The following GABRB1 variants were observed in gnomAD, a reference collection of about 807,000 sequenced individuals.
GABRB1 encodes the protein gamma-aminobutyric acid receptor subunit beta-1.
Under a neutral mutation model 51.6 loss-of-function variants are expected in GABRB1, and 17 were observed. The observed-to-expected ratio is 0.33, with a 90% confidence interval of 0.23 to 0.49. The LOEUF (loss-of-function observed/expected upper bound fraction) is 0.49. Among genes scored for constraint, GABRB1 ranks in the 20% least tolerant of loss-of-function variants. GABRB1 has a pLI of 0.99. For synonymous variants in GABRB1, 247 were observed against 218.9 expected, an observed-to-expected ratio of 1.13 and a Z score of -1.14; for missense variants, 410 against 600.6, an observed-to-expected ratio of 0.68 and a Z score of 3.32.
intron 4 of GABRB1, among the ~76,000 whole-genome samples, chr4:47,257,085 G>A (rs546217132): frequency 1.3e-5 from 2 of 152,246 alleles, no homozygotes; most frequent in Admixed American, 1.3e-4. Context: ...TCTGGGTTTA[G>A]TCAATGGAAG....
chr4:47,195,123 T>C (rs968044276), intron 4 of GABRB1, among the ~76,000 whole-genome samples: 1 of 152,174 alleles, frequency 6.6e-6, no homozygotes, highest in Admixed American at 6.5e-5. Context: ...CCCCAGCACT[T>C]TGGGAGGCCG....
At chr4:47,402,502 C>A (rs1307294036) in intron 5 of GABRB1, among the ~76,000 whole-genome samples, 7 of 152,126 alleles carry the variant, frequency 4.6e-5, no homozygotes, top group Non-Finnish European at 1.5e-5. Flanking sequence ...TCTGTACATT[C>A]TTCTTATGCA....
intron 5 of GABRB1, among the ~76,000 whole-genome samples, chr4:47,324,916 G>T (rs1725203704): frequency 6.6e-6 from 1 of 152,072 alleles, no homozygotes; most frequent in Admixed American, 6.5e-5. Flanking sequence ...CCGTTCTATT[G>T]CAAGTATCAT....
At chr4:47,340,670 GC>G (rs1725854296) in intron 5 of GABRB1, among the ~76,000 whole-genome samples, 1 of 151,902 alleles carries the variant, frequency 6.6e-6, no homozygotes, top group Non-Finnish European at 1.5e-5. Flanking sequence ...CCTCCCAAAG[GC>G]CCAACCTCTT....
At chr4:47,043,116 C>T (rs1165589786) in intron 3 of GABRB1, 1 of 151,988 alleles carries the variant, frequency 6.6e-6, no homozygotes, top group Non-Finnish European at 1.5e-5. Flanking sequence ...AAATAAAAAT[C>T]CCAAGCCAAC....
At chr4:47,007,893 T>TATATATATATATATATATAA in intron 1 of GABRB1, among the ~76,000 whole-genome samples, 1 of 25,944 alleles carries the variant, frequency 3.9e-5, no homozygotes, top group South Asian at 1.0e-3. Context: ...TATATATATA[T>TATATATATATATATATATAA]AAAATCAAGT....
intron 5 of GABRB1, among the ~76,000 whole-genome samples, chr4:47,333,655 C>T (rs912678842): frequency 2.0e-5 from 3 of 152,116 alleles, no homozygotes; most frequent in African/African-American, 2.4e-5. Flanking sequence ...ATGGAGGTTG[C>T]AGTGAGCCAA....
chr4:47,195,468 TA>T (rs549758727), intron 4 of GABRB1, among the ~76,000 whole-genome samples: 6,538 of 88,098 alleles, frequency 0.074, 219 homozygotes, highest in East Asian at 0.18. Flanking sequence ...AGATGATAGA[TA>T]GATAGATAGA....
At position 47,012,434 on chromosome 4, in the gene GABRB1, T is replaced by G. The variant is rs138809442; in HGVS notation, c.-20+18508T>G. On this transcript the variant is annotated intron_variant, in intron 1 of 3. Transcript: ENST00000513567. ...TCATCATTTAGCTCTCACTTATAAG[T>G]GAGAACATGTGGTATTTGGTTTTCT... is the stretch of plus-strand genomic sequence containing the variant. Among the ~76,000 whole-genome samples, 564 of 152,228 alleles carry G rather than the reference T, an allele frequency of 3.7e-3. 4 individuals are homozygous for G. Among genetic ancestry groups the G allele is most frequent in the Middle Eastern group, 0.014 (4 of 294 alleles).
intron 4 of GABRB1, among the ~76,000 whole-genome samples, chr4:47,292,660 T>C (rs1186295849): frequency 2.0e-5 from 3 of 152,220 alleles, no homozygotes; most frequent in Admixed American, 6.5e-5. Context: ...TAAGAGACTA[T>C]TGCAGACTGG....
At chr4:47,342,529 G>T (rs1288221801) in intron 5 of GABRB1, among the ~76,000 whole-genome samples, 1 of 152,162 alleles carries the variant, frequency 6.6e-6, no homozygotes, top group East Asian at 1.9e-4. Context: ...GAAAGAAACA[G>T]ACCTCAGCTT....
intron 3 of GABRB1, among the ~76,000 whole-genome samples, chr4:47,056,938 TC>T (rs1726634997): frequency 6.6e-6 from 1 of 152,038 alleles, no homozygotes; most frequent in African/African-American, 2.4e-5. Flanking sequence ...AAACCCTGTC[TC>T]TACTGAAAAA....
At chr4:47,107,746 A>T (rs569710287) in intron 3 of GABRB1, among the ~76,000 whole-genome samples, 1 of 152,062 alleles carries the variant, frequency 6.6e-6, no homozygotes, top group Non-Finnish European at 1.5e-5. Flanking sequence ...AGGAAAATCA[A>T]TCTGGAGAAA....
chr4:47,390,673 C>G (rs951823409), intron 5 of GABRB1, among the ~76,000 whole-genome samples: 18 of 152,264 alleles, frequency 1.2e-4, no homozygotes, highest in Admixed American at 1.0e-3. Flanking sequence ...TCCAAGTGTT[C>G]AGCTCTGAGA....
Position 47,400,921 on chromosome 4 carries a change from C to CTTTTTTTT in GABRB1, c.545-2379_545-2372dup, listed in dbSNP as rs71195629. ...CATTATTTTGTTCTTTTGTTCTTCT[C>CTTTTTTTT]TTTTTTTTTTTTTTTTTTTTTTTTT... On this transcript the variant is annotated intron_variant, in intron 5 of 8. Coordinates refer to ENST00000295454, the MANE Select transcript of GABRB1 (RefSeq NM_000812.4). 4.0e-4 allele frequency among the ~76,000 whole-genome samples: 39 copies of CTTTTTTTT among 98,544 alleles called. 2 individuals are homozygous for CTTTTTTTT. The highest frequency in any genetic ancestry group is 1.1e-3 in the African/African-American group (28 of 24,412). The allele number at this position is 98,544 out of a possible 152,430, so 64.6% of individuals were successfully genotyped here. A position where few individuals can be genotyped will look rare whatever the true frequency, so the allele number is the denominator to read the frequency against.
chr4:47,300,020 C>A (rs1042952295), intron 4 of GABRB1, among the ~76,000 whole-genome samples: 1 of 142,776 alleles, frequency 7.0e-6, no homozygotes, highest in Non-Finnish European at 1.5e-5. Context: ...TGTTCTCACT[C>A]ATAGGTGGGA....
In GABRB1 at chr4:47,321,477, C is replaced by T. The variant is rs189131485; in HGVS notation, c.544+1268C>T. On this transcript the variant is annotated intron_variant, in intron 5 of 8. Coordinates refer to ENST00000295454, the MANE Select transcript of GABRB1 (RefSeq NM_000812.4). ...CATGAAATATTCTCTAATCAATATT[C>T]TAATTTTAAATCTCATCATATAAAG... 2.3e-3 allele frequency among the ~76,000 whole-genome samples: 352 copies of T among 152,174 alleles called. 1 individual carries two copies. Among genetic ancestry groups the T allele is most frequent in the African/African-American group, 7.4e-3 (309 of 41,522 alleles).
At chr4:47,190,486 A>G (rs1719396995) in intron 4 of GABRB1, among the ~76,000 whole-genome samples, 1 of 152,168 alleles carries the variant, frequency 6.6e-6, no homozygotes, top group Admixed American at 6.6e-5. Flanking sequence ...AACAAACCTG[A>G]TCATTGTCAG....
At chr4:47,040,075 T>C (rs1258466101) in intron 3 of GABRB1, among the ~76,000 whole-genome samples, 1 of 152,176 alleles carries the variant, frequency 6.6e-6, no homozygotes, top group East Asian at 1.9e-4. Flanking sequence ...CTTTGAACTC[T>C]TGGCTTTAAA....
Sources: gnomAD v4.1 joint callset for allele counts (sites outside exome capture counted in the v4.1 genomes callset) on GRCh38, gnomAD v4.1.1 for gene constraint, MANE v1.5 for transcripts, NCBI Gene and HGNC (gene_info 2026-07-23, HGNC 2026-07-21) for gene names.